PLCB1: variants seen among roughly 807,000 people sequenced by gnomAD.
PLCB1 encodes phospholipase C beta 1.
Under a neutral mutation model 161.8 loss-of-function variants are expected in PLCB1, and 46 were observed. That is an observed-to-expected ratio of 0.28 (90% CI 0.22 to 0.36). The LOEUF is 0.36. PLCB1 is among the 10% of genes least tolerant of loss of function. The pLI, the probability that PLCB1 is intolerant of heterozygous loss-of-function variation, is 1.00. For synonymous variants in PLCB1, 517 were observed against 503.7 expected (o/e 1.03, Z -0.35); for missense variants, 1,016 against 1,472.5 (o/e 0.69, Z 5.07).
intron 31 of PLCB1, among the ~76,000 whole-genome samples, chr20:8,820,480 CAAG>C (rs1985288238): frequency 6.6e-6 from 1 of 152,036 alleles, no homozygotes; most frequent in African/African-American, 2.4e-5. Context: ...CTAACAATAT[CAAG>C]TGATTTGCAA....
chr20:8,170,576 G>C (rs1236985594), intron 2 of PLCB1, among the ~76,000 whole-genome samples: 1 of 152,156 alleles, frequency 6.6e-6, no homozygotes. Flanking sequence ...GAAATAGGCT[G>C]TGTGCTGAAC....
intron 2 of PLCB1, among the ~76,000 whole-genome samples, chr20:8,274,482 T>G (rs1270736333): frequency 6.7e-6 from 1 of 148,766 alleles, no homozygotes; most frequent in Non-Finnish European, 1.5e-5. Flanking sequence ...ACTTGTGTCG[T>G]TTTTTTTTTA....
chr20:8,550,643 C>T (rs1985743406), intron 3 of PLCB1, among the ~76,000 whole-genome samples: 1 of 152,172 alleles, frequency 6.6e-6, no homozygotes. Flanking sequence ...TTACATACTT[C>T]CCCAAGACCT....
intron 9 of PLCB1, among the ~76,000 whole-genome samples, chr20:8,670,955 T>C (rs1031853845): frequency 6.6e-6 from 1 of 152,136 alleles, no homozygotes; most frequent in African/African-American, 2.4e-5. Context: ...TTTAAGGAGG[T>C]GCTAAACCAC....
intron 2 of PLCB1, among the ~76,000 whole-genome samples, chr20:8,181,248 C>CAAA (rs60871672): frequency 3.4e-4 from 28 of 81,264 alleles, no homozygotes; most frequent in African/African-American, 8.0e-4. Context: ...GACTCTGTCT[C>CAAA]AAAAAAAAAA....
chr20:8,731,782 G>A (rs1980261495), intron 18 of PLCB1, among the ~76,000 whole-genome samples: 1 of 151,646 alleles, frequency 6.6e-6, no homozygotes. Flanking sequence ...TAATTTTTAG[G>A]CTTTTGAAGC....
chr20:8,212,234 G>A, intron 2 of PLCB1, among the ~76,000 whole-genome samples: 1 of 151,994 alleles, frequency 6.6e-6, no homozygotes, highest in East Asian at 1.9e-4. Flanking sequence ...CCTGATTTTT[G>A]TTTTGCTTTA....
chr20:8,494,447 C>A (rs1269971928), intron 3 of PLCB1, among the ~76,000 whole-genome samples: 1 of 152,176 alleles, frequency 6.6e-6, no homozygotes, highest in East Asian at 1.9e-4. Context: ...CATGACCCAG[C>A]AGAATATTTT....
chr20:8,465,431 A>G (rs1981774307), intron 3 of PLCB1, among the ~76,000 whole-genome samples: 2 of 152,132 alleles, frequency 1.3e-5, no homozygotes, highest in African/African-American at 4.8e-5. Flanking sequence ...TGTTTTCTGA[A>G]AGAATTTATT....
chr20:8,296,546 G>C lies in PLCB1; in HGVS notation c.178-74836G>C, dbSNP rs144043792. On this transcript the variant is annotated intron_variant, in intron 2 of 31. Transcript: ENST00000338037. ...CCCTTTTCCCATTAACTTTGTAGTT[G>C]TGAACAGTTGTCTTGAGGTTAGGAG... Among the ~76,000 whole-genome samples the C allele has an allele frequency of 8.6e-4, 131 of 152,312 alleles. 1 individual carries two copies. The highest frequency in any genetic ancestry group is 3.4e-3 in the Admixed American group (52 of 15,292).
chr20:8,726,009 G>T (rs1397833263), intron 16 of PLCB1, among the ~76,000 whole-genome samples: 1 of 152,078 alleles, frequency 6.6e-6, no homozygotes, highest in Non-Finnish European at 1.5e-5. Flanking sequence ...ATTTATGATG[G>T]ACCAAAATAA....
At chr20:8,782,471 C>T (rs969787696) in intron 27 of PLCB1, among the ~76,000 whole-genome samples, 8 of 152,194 alleles carry the variant, frequency 5.3e-5, no homozygotes, top group African/African-American at 1.4e-4. Context: ...TGGTGCACTG[C>T]AGCCTCCATC....
At chr20:8,813,961 G>A (rs759839109) in intron 31 of PLCB1, among the ~76,000 whole-genome samples, 18 of 152,182 alleles carry the variant, frequency 1.2e-4, no homozygotes, top group Non-Finnish European at 2.2e-4. Flanking sequence ...CACAGCAAGG[G>A]TCCAGTGTGA....
intron 1 of PLCB1, among the ~76,000 whole-genome samples, chr20:8,141,515 C>T (rs6039047): frequency 6.6e-6 from 1 of 150,872 alleles, no homozygotes; most frequent in Admixed American, 6.6e-5. Flanking sequence ...CCCGACCACT[C>T]GAGAGGCTGA....
At chr20:8,781,417 AACACACACAC>A (rs745610188) in intron 27 of PLCB1, among the ~76,000 whole-genome samples, 45 of 28,140 alleles carry the variant, frequency 1.6e-3, no homozygotes, top group Admixed American at 3.2e-3. Context: ...CACACACACA[AACACACACAC>A]ACACACACAC....
intron 2 of PLCB1, among the ~76,000 whole-genome samples, chr20:8,184,769 T>A (rs896631711): frequency 7.0e-6 from 1 of 141,916 alleles, no homozygotes; most frequent in Non-Finnish European, 1.5e-5. Context: ...TGGCAATACC[T>A]TTATTATTAT....
At chr20:8,309,765 A>G (rs920629068) in intron 2 of PLCB1, among the ~76,000 whole-genome samples, 1 of 152,158 alleles carries the variant, frequency 6.6e-6, no homozygotes, top group Non-Finnish European at 1.5e-5. Context: ...GCTGGTTTCC[A>G]TGGTGCTGAT....
chr20:8,275,785 G>A (rs1159775644), intron 2 of PLCB1, among the ~76,000 whole-genome samples: 2 of 152,176 alleles, frequency 1.3e-5, no homozygotes, highest in African/African-American at 4.8e-5. Context: ...GTCCCTGTGG[G>A]GGAGCTGTCT....
intron 31 of PLCB1, among the ~76,000 whole-genome samples, chr20:8,793,395 G>A (rs750521831): frequency 4.6e-5 from 7 of 152,136 alleles, no homozygotes; most frequent in South Asian, 2.1e-4. Flanking sequence ...AGATGGTATC[G>A]GGGAATCTGC....
Sources: gnomAD v4.1 joint callset for allele counts (sites outside exome capture counted in the v4.1 genomes callset) on GRCh38, gnomAD v4.1.1 for gene constraint, MANE v1.5 for transcripts, NCBI Gene and HGNC (gene_info 2026-07-23, HGNC 2026-07-21) for gene names.